The following MSH5 variants were observed in gnomAD, a reference collection of about 807,000 sequenced individuals.
MSH5 encodes the protein mutS homolog 5.
MSH5 carries 78 observed loss-of-function variants against 107.7 expected under a neutral mutation model. The observed-to-expected ratio is 0.72, with a 90% CI of 0.60 to 0.87. The LOEUF (loss-of-function observed/expected upper bound fraction) is 0.87. MSH5 is among the 40% of genes least tolerant of loss of function. MSH5 has a pLI of 0.00. For synonymous variants in MSH5, 326 were observed against 399.5 expected, an observed-to-expected ratio of 0.82 and a Z score of 2.19; for missense variants, 889 against 1,046.6, an observed-to-expected ratio of 0.85 and a Z score of 2.08.
Position 31,760,652 on chromosome 6 carries a change from G to C in MSH5, c.1813-38G>C. 6.2e-7 allele frequency: 1 copy of C among 1,612,170 alleles called. No individual in the cohort carries two copies. The highest frequency in any genetic ancestry group is 1.1e-5 in the South Asian group (1 of 91,054). ...GAGCCTCACTTTCACCTCAGCCCAC[G>C]GCACCAGGCCCCAGGCCCTGTCTCC... On this transcript the variant is annotated intron_variant, in intron 19 of 24. Coordinates refer to ENST00000375750, the MANE Select transcript of MSH5 (RefSeq NM_172166.4). The surrounding 1 kb of genome is among the most constrained non-coding windows in gnomAD (Gnocchi z 5.6).
chr6:31,740,602 G>GAGGAGT lies in MSH5; in HGVS notation c.138_139insGAGTAG (p.Glu46_Leu47insGluTer), dbSNP rs1481951458. 6.6e-7 allele frequency: 1 copy of GAGGAGT among 1,504,292 alleles called. No individual in the cohort carries two copies. Among genetic ancestry groups the GAGGAGT allele is most frequent in the Admixed American group, 2.6e-5 (1 of 38,672 alleles). 93.2% of individuals were successfully genotyped at this position (1,504,292 alleles called of 1,614,324 possible). A position where few individuals can be genotyped will look rare whatever the true frequency, so the allele number is the denominator to read the frequency against. On this transcript the variant is annotated stop_gained and inframe_insertion, in exon 2 of 25. Transcript: ENST00000375750. LOFTEE classifies it high-confidence loss of function. This position sits in a 1 kb window ranked among gnomAD's most constrained non-coding sequence, Gnocchi z 4.4. ...GGAGGAGGAAGTCGAGGAGGAGGAGGAGCTGGCCGAGGTCTCTGAGGGGAG... is the reference window on the plus strand; with the variant it reads ...GGAGGAGGAAGTCGAGGAGGAGGAGGAGGAGTAGCTGGCCGAGGTCTCTGAGGGGAG...
intron 12 of MSH5, chr6:31,754,022 G>T: frequency 5.7e-6 from 1 of 174,786 alleles, no homozygotes; most frequent in Non-Finnish European, 1.2e-5. Context: ...CACCAGGCCC[G>T]GCCTCCCTCT....
intron 23 of MSH5, 50 bp downstream of exon 23, chr6:31,762,005 T>C (rs1811058802): frequency 5.0e-6 from 8 of 1,613,204 alleles, no homozygotes; most frequent in Non-Finnish European, 6.8e-6. Flanking sequence ...CTCCCTTTCA[T>C]TCCTAGTCCT....
chr6:31,753,864 T>TGGG (rs1391617233), intron 12 of MSH5: 20 of 472,126 alleles, frequency 4.2e-5, no homozygotes, highest in South Asian at 7.8e-5. Context: ...AAGTTGGGAT[T>TGGG]ACAAGCGCCC....
rs1173417633 is a variant in MSH5 at position 31,740,407 on chromosome 6, T to C, written c.-13-47T>C. ...TGCGCGCCACCCTACCCCGGCCTCC[T>C]CTGTGAATCGTTGCTTCCGAACCGC... On this transcript the variant is annotated intron_variant, in intron 1 of 24. Coordinates refer to ENST00000375750, the MANE Select transcript of MSH5 (RefSeq NM_172166.4). The surrounding 1 kb of genome is among the most constrained non-coding windows in gnomAD (Gnocchi z 4.4). The C allele has an allele frequency of 6.5e-7, 1 of 1,535,918 alleles. No homozygotes were observed. Among genetic ancestry groups the C allele is most frequent in the African/African-American group, 1.4e-5 (1 of 71,888 alleles).
At chr6:31,757,713 C>T (rs547202729) in intron 12 of MSH5, 8 of 179,348 alleles carry the variant, frequency 4.5e-5, no homozygotes, top group African/African-American at 9.4e-5. Context: ...CTCGCTCTGT[C>T]GGCCAGGCTG....
Position 31,762,565 on chromosome 6 carries a change from A to T in MSH5, c.*34A>T, listed in dbSNP as rs750855885. 6 of 1,389,528 alleles carry T rather than the reference A, an allele frequency of 4.3e-6. No individual in the cohort carries two copies. The Admixed American group carries it at 5.1e-5, about 12-fold the overall frequency. 86.1% of individuals were successfully genotyped at this position (1,389,528 alleles called of 1,614,324 possible). On this transcript the variant is annotated 3_prime_UTR_variant, in exon 25 of 25. Transcript: ENST00000375750. The stretch of plus-strand genomic sequence containing the variant: ...CCAGTGTCCTCCCCAGCCTCCTGAG[A>T]CTCCGGTGGGCTGCCATGCCCTCTT...
chr6:31,759,648 G>A lies in MSH5; in HGVS notation c.1495+136G>A. On this transcript the variant is annotated intron_variant, in intron 17 of 24. Transcript: ENST00000375750. The surrounding 1 kb of genome is among the most constrained non-coding windows in gnomAD (Gnocchi z 4.7). ...TCCTGCTCTCTGTCTCGCTCACTCT[G>A]ACTCTATCTTTTCCTCTGAATGTCT... 7 of 1,353,902 alleles carry A rather than the reference G, an allele frequency of 5.2e-6. No homozygotes were observed. In the South Asian group the frequency reaches 8.9e-5, roughly 17 times the overall value. 83.9% of individuals were successfully genotyped at this position (1,353,902 alleles called of 1,614,324 possible).
At chr6:31,744,387 T>C in intron 7 of MSH5, 88 bp downstream of exon 7, 1 of 1,581,282 alleles carries the variant, frequency 6.3e-7, no homozygotes, top group Non-Finnish European at 8.7e-7. Flanking sequence ...GATGTGGCTG[T>C]GACCCAGTGG....
At chr6:31,751,276 G>A (rs773113060) in intron 10 of MSH5, among the ~76,000 whole-genome samples, 3 of 152,124 alleles carry the variant, frequency 2.0e-5, no homozygotes, top group Admixed American at 6.6e-5. Flanking sequence ...GATTACAGGC[G>A]TGAGCCACCG....
At chr6:31,747,111 G>T (rs1161623628) in intron 9 of MSH5, among the ~76,000 whole-genome samples, 1 of 152,226 alleles carries the variant, frequency 6.6e-6, no homozygotes, top group Non-Finnish European at 1.5e-5. Flanking sequence ...GAGCCACCGT[G>T]CCTGGCCAGT....
Position 31,759,827 on chromosome 6 carries a change from C to A in MSH5, c.1537C>A (p.Leu513Met), listed in dbSNP as rs1157148220. 2 of 1,613,708 alleles carry A rather than the reference C, an allele frequency of 1.2e-6. No individual in the cohort carries two copies. The highest frequency in any genetic ancestry group is 2.7e-5 in the African/African-American group (2 of 74,938). The change falls in exon 18 of 25, where the codon CTG becomes ATG. Residue 513 changes from leucine (L) to methionine (M), a missense_variant. Transcript: ENST00000375750. The surrounding 1 kb of genome is among the most constrained non-coding windows in gnomAD (Gnocchi z 4.7). ...LLMYQLQCQV[L>M]ARAAVLTRVL... ...GATGTACCAGCTACAGTGCCAGGTG[C>A]TGGCACGAGCAGCTGTCTTAACCCG...
chr6:31,753,490 T>C, intron 11 of MSH5, 51 bp downstream of exon 11: 1 of 1,613,522 alleles, frequency 6.2e-7, no homozygotes, highest in Non-Finnish European at 8.5e-7. Flanking sequence ...TGAGGGCTGA[T>C]ACTGGGCAGT....
intron 12 of MSH5, among the ~76,000 whole-genome samples, chr6:31,756,169 T>C (rs1041678326): frequency 2.6e-5 from 4 of 152,090 alleles, no homozygotes; most frequent in African/African-American, 4.8e-5. Flanking sequence ...ATTATTCATT[T>C]ATTTATTTAT....
At chr6:31,751,144 C>T (rs879640269) in intron 10 of MSH5, among the ~76,000 whole-genome samples, 4 of 152,072 alleles carry the variant, frequency 2.6e-5, no homozygotes, top group South Asian at 2.1e-4. Flanking sequence ...TATAGGTGCC[C>T]GCCAACACGC....
intron 10 of MSH5, among the ~76,000 whole-genome samples, chr6:31,750,173 T>A (rs1167108303): frequency 1.3e-5 from 2 of 152,218 alleles, no homozygotes; most frequent in Non-Finnish European, 2.9e-5. Flanking sequence ...AATCATCATA[T>A]AATCTAATGA....
chr6:31,747,675 T>TA (rs1460414205), intron 10 of MSH5, among the ~76,000 whole-genome samples: 1 of 152,070 alleles, frequency 6.6e-6, no homozygotes, highest in South Asian at 2.1e-4. Context: ...CCATTGATGA[T>TA]ACACAGACTT....
intron 12 of MSH5, chr6:31,757,586 T>A (rs1314932997): frequency 6.5e-6 from 1 of 153,426 alleles, no homozygotes; most frequent in African/African-American, 2.4e-5. Context: ...TCAAAGCACC[T>A]ACCACCTCAC....
Position 31,741,267 on chromosome 6 carries a change from C to T in MSH5, c.252C>T (p.Ser84=). The part of the protein sequence containing the change: ...HFMPDAPDHE[S]LKLLQRVLDE... ...TGCCAGATGCCCCAGACCACGAGAGCCTCAAGCTTCTCCAGAGAGGTGGGG... is the reference window on the plus strand; with the variant it reads ...TGCCAGATGCCCCAGACCACGAGAGTCTCAAGCTTCTCCAGAGAGGTGGGG... Residue 84 remains serine (S), a synonymous_variant, in exon 3 of 25, where the codon AGC becomes AGT. Coordinates refer to ENST00000375750, the MANE Select transcript of MSH5 (RefSeq NM_172166.4). 3.1e-6 allele frequency: 5 copies of T among 1,605,880 alleles called. No individual in the cohort carries two copies. Among genetic ancestry groups the T allele is most frequent in the Non-Finnish European group, 4.3e-6 (5 of 1,175,758 alleles).
Sources: gnomAD v4.1 joint callset for allele counts (sites outside exome capture counted in the v4.1 genomes callset) on GRCh38, gnomAD v4.1.1 for gene constraint, Gnocchi (gnomAD v3.1) non-coding constraint, MANE v1.5 for transcripts, NCBI Gene and HGNC (gene_info 2026-07-23, HGNC 2026-07-21) for gene names.